Variants in TRPM3 observed in about 807,000 individuals in gnomAD.
The protein encoded by TRPM3 is transient receptor potential cation channel subfamily M member 3.
TRPM3 carries 77 observed loss-of-function variants against 181.2 expected under a neutral mutation model. That is an observed-to-expected ratio of 0.42 (90% CI 0.35 to 0.51). The LOEUF (loss-of-function observed/expected upper bound fraction) is 0.51. Ranked by LOEUF, TRPM3 falls within the 20% of genes least tolerant of loss-of-function variation. The pLI is 0.01. For missense variants in TRPM3, 1,759 were observed against 2,196.7 expected, an observed-to-expected ratio of 0.80 and a Z score of 3.98; for synonymous variants, 745 against 796.4, an observed-to-expected ratio of 0.94 and a Z score of 1.09.
chr9:71,222,360 T>C (rs1232551930), intron 1 of TRPM3, among the ~76,000 whole-genome samples: 1 of 152,200 alleles, frequency 6.6e-6, no homozygotes, highest in Non-Finnish European at 1.5e-5. Context: ...TGGTCCTTTG[T>C]TCATTTGGTA....
At chr9:71,384,182 G>A (rs1459484149) in intron 1 of TRPM3, among the ~76,000 whole-genome samples, 1 of 152,144 alleles carries the variant, frequency 6.6e-6, no homozygotes, top group African/African-American at 2.4e-5. Context: ...TAGGGGCACT[G>A]CTCCTGGAGA....
rs1372386001 is a variant in TRPM3, at chr9:71,354,928, ATC to A, written c.183+91723_183+91724del. Among the ~76,000 whole-genome samples the A allele has an allele frequency of 3.3e-5, 5 of 152,348 alleles. No individual in the cohort carries two copies. The East Asian group carries it at 5.8e-4, about 18-fold the overall frequency. On this transcript the variant is annotated intron_variant, in intron 1 of 24. Transcript: ENST00000357533. ...CCTTGTAGCTCCTTTTCCAAATAGT[ATC>A]TCTCTGTTATTCAAACATTCTTAAC...
intron 1 of TRPM3, among the ~76,000 whole-genome samples, chr9:71,154,851 TTA>T (rs1171187426): frequency 1.3e-5 from 2 of 152,158 alleles, no homozygotes; most frequent in African/African-American, 4.8e-5. Flanking sequence ...ACGATACAGT[TTA>T]AAATTTGAAA....
chr9:71,253,162 A>G (rs577753486), intron 1 of TRPM3, among the ~76,000 whole-genome samples: 37 of 152,192 alleles, frequency 2.4e-4, no homozygotes, highest in African/African-American at 7.9e-4. Context: ...AGTGAGGGCA[A>G]TTTCTTAATT....
chr9:71,022,543 TA>T (rs899630788), intron 1 of TRPM3, among the ~76,000 whole-genome samples: 2 of 151,732 alleles, frequency 1.3e-5, no homozygotes, highest in African/African-American at 4.8e-5. Flanking sequence ...AAAACAATTT[TA>T]AAAAATAGCC....
At chr9:71,365,090 C>G (rs1175882727) in intron 1 of TRPM3, among the ~76,000 whole-genome samples, 1 of 152,136 alleles carries the variant, frequency 6.6e-6, no homozygotes, top group Non-Finnish European at 1.5e-5. Flanking sequence ...AGCTAACTGA[C>G]AAGGACTTAA....
At chr9:70,839,497 A>C (rs1466624836) in intron 5 of TRPM3, among the ~76,000 whole-genome samples, 1 of 152,212 alleles carries the variant, frequency 6.6e-6, no homozygotes, top group East Asian at 1.9e-4. Flanking sequence ...TCAATAAATA[A>C]AATAATTCTA....
intron 1 of TRPM3, among the ~76,000 whole-genome samples, chr9:71,086,710 T>C (rs543950211): frequency 2.6e-5 from 4 of 152,130 alleles, no homozygotes; most frequent in Non-Finnish European, 4.4e-5. Flanking sequence ...AGCTGAAAAC[T>C]GTGCCTCTGC....
At chr9:71,440,114 C>T (rs944360725) in intron 1 of TRPM3, among the ~76,000 whole-genome samples, 1 of 151,982 alleles carries the variant, frequency 6.6e-6, no homozygotes, top group Admixed American at 6.6e-5. Context: ...CACAATGAGA[C>T]TCCATCTCAA....
At chr9:71,387,691 A>T (rs1267978462) in intron 1 of TRPM3, among the ~76,000 whole-genome samples, 1 of 152,180 alleles carries the variant, frequency 6.6e-6, no homozygotes, top group Non-Finnish European at 1.5e-5. Context: ...AACAAGTCAG[A>T]TATCGCATTC....
At chr9:71,439,440 G>A (rs988238395) in intron 1 of TRPM3, among the ~76,000 whole-genome samples, 1 of 152,090 alleles carries the variant, frequency 6.6e-6, no homozygotes, top group East Asian at 1.9e-4. Context: ...TCATCCTGGG[G>A]GGCAGGTATT....
chr9:70,882,837 T>C (rs2096017533), intron 1 of TRPM3, among the ~76,000 whole-genome samples: 1 of 152,150 alleles, frequency 6.6e-6, no homozygotes, highest in Non-Finnish European at 1.5e-5. Flanking sequence ...TGTGCAAGGA[T>C]GCTTGGTTGC....
intron 1 of TRPM3, among the ~76,000 whole-genome samples, chr9:71,113,521 C>G (rs189966706): frequency 6.6e-6 from 1 of 152,240 alleles, no homozygotes; most frequent in East Asian, 1.9e-4. Flanking sequence ...TTTTCTGCCT[C>G]TAATCATGAA....
At chr9:70,607,984 C>T (rs2132938413) in intron 19 of TRPM3, among the ~76,000 whole-genome samples, 1 of 152,326 alleles carries the variant, frequency 6.6e-6, no homozygotes, top group South Asian at 2.1e-4. Context: ...GAAGTTTTCT[C>T]TGTACATTGT....
chr9:71,168,112 A>G (rs1010760340), intron 1 of TRPM3, among the ~76,000 whole-genome samples: 4 of 152,162 alleles, frequency 2.6e-5, no homozygotes, highest in African/African-American at 9.7e-5. Context: ...ACCCATCATC[A>G]TATCATGACA....
In TRPM3 at chr9:70,536,043, G is replaced by C. The variant is rs768647446; in HGVS notation, c.5070C>G (p.Ser1690=). The C allele has an allele frequency of 6.1e-5, 99 of 1,614,106 alleles. No homozygotes were observed. Among genetic ancestry groups the C allele is most frequent in the Admixed American group, 1.8e-4 (11 of 60,012 alleles). The change falls in exon 26 of 26, where the codon TCC becomes TCG. Residue 1690 remains serine, a synonymous_variant. Coordinates refer to ENST00000677713, the MANE Select transcript of TRPM3 (RefSeq NM_001366145.2). ...TGTCCCCTCGGCCCTCCGGCTTGGA[G>C]GACTTGCTTCTCTGGAAGGGATTTC... The part of the protein sequence containing the change: ...SLRNPFQRSK[S]SKPEGRGDSL...
intron 1 of TRPM3, among the ~76,000 whole-genome samples, chr9:70,888,100 C>T (rs1419380601): frequency 6.6e-6 from 1 of 152,108 alleles, no homozygotes; most frequent in African/African-American, 2.4e-5. Flanking sequence ...TCTTTAATTG[C>T]CTCTGGCACA....
rs552905734 is a variant in TRPM3 at position 71,126,696 on chromosome 9, C to T, written c.184-262185G>A. Among the ~76,000 whole-genome samples, 187 of 152,276 alleles carry T rather than the reference C, an allele frequency of 1.2e-3. 3 individuals carry two copies. Among genetic ancestry groups the T allele is most frequent in the Middle Eastern group, 6.8e-3 (2 of 294 alleles). ...GACTCACTTTGTTAAGTAGGTTAAG[C>T]AGCATTTATTCCATATAAAATAAAA... is the stretch of plus-strand genomic sequence containing the variant. On this transcript the variant is annotated intron_variant, in intron 1 of 24. Coordinates refer to the TRPM3 transcript ENST00000357533.
intron 9 of TRPM3, among the ~76,000 whole-genome samples, chr9:70,667,859 A>C (rs1038819102): frequency 6.6e-6 from 1 of 152,180 alleles, no homozygotes. Context: ...CATTGGTTGA[A>C]GCACACTCAC....
Sources: gnomAD v4.1 joint callset for allele counts (sites outside exome capture counted in the v4.1 genomes callset) on GRCh38, gnomAD v4.1.1 for gene constraint, MANE v1.5 for transcripts, NCBI Gene and HGNC (gene_info 2026-07-23, HGNC 2026-07-21) for gene names.